CABIN1: variants seen among roughly 807,000 people sequenced by gnomAD.
CABIN1 encodes the protein calcineurin binding protein 1.
In CABIN1, 133 loss-of-function variants were observed where a neutral mutation model predicts 227.7. The ratio of observed to expected loss-of-function variants is 0.58; its 90% confidence interval spans 0.51 to 0.67. The LOEUF is 0.67. Among genes scored for constraint, CABIN1 ranks in the 30% least tolerant of loss-of-function variants. The pLI, the probability that CABIN1 is intolerant of heterozygous loss-of-function variation, is 0.00. For synonymous variants in CABIN1, 1,086 were observed against 1,155.1 expected, an observed-to-expected ratio of 0.94 and a Z score of 1.21; for missense variants, 2,408 against 2,852.5, an observed-to-expected ratio of 0.84 and a Z score of 3.55.
chr22:24,042,059 C>T (rs1052953286), intron 5 of CABIN1, among the ~76,000 whole-genome samples: 12 of 152,188 alleles, frequency 7.9e-5, no homozygotes, highest in Non-Finnish European at 1.6e-4. Flanking sequence ...TCAAACGATC[C>T]TCCGACCTCA....
chr22:24,174,882 T>A (rs1433745649), intron 34 of CABIN1, among the ~76,000 whole-genome samples: 1 of 151,644 alleles, frequency 6.6e-6, no homozygotes, highest in Non-Finnish European at 1.5e-5. Context: ...AACTGAGATC[T>A]CTGTAGGCCA....
intron 6 of CABIN1, among the ~76,000 whole-genome samples, chr22:24,044,072 C>G (rs1012491546): frequency 6.6e-6 from 1 of 152,152 alleles, no homozygotes. Flanking sequence ...GGCAACATCA[C>G]CCTCATGGTA....
At chr22:24,147,347 G>T (rs1189394992) in intron 29 of CABIN1, among the ~76,000 whole-genome samples, 1 of 95,284 alleles carries the variant, frequency 1.0e-5, no homozygotes, top group African/African-American at 3.9e-5. Context: ...CTCCCTCCCT[G>T]CCTCCCTCCC....
chr22:24,172,767 A>T (rs952911865), intron 34 of CABIN1, among the ~76,000 whole-genome samples: 4 of 152,140 alleles, frequency 2.6e-5, no homozygotes, highest in Non-Finnish European at 5.9e-5. Flanking sequence ...GGAGTAGACA[A>T]GGCACCATCC....
chr22:24,082,742 T>G (rs73165714), intron 19 of CABIN1, among the ~76,000 whole-genome samples: 13,014 of 152,322 alleles, frequency 0.085, 692 homozygotes, highest in East Asian at 0.3. Flanking sequence ...CTGAGGGAGA[T>G]TCTCTTAGCC....
At chr22:24,011,680 A>G (rs1044506739) in intron 1 of CABIN1, 1 of 152,286 alleles carries the variant, frequency 6.6e-6, no homozygotes, top group African/African-American at 2.4e-5. Flanking sequence ...CCAGCGCGCT[A>G]ACCCTTTACT....
At position 24,067,584 on chromosome 22, in the gene CABIN1, C is replaced by T. The variant is rs540379063; in HGVS notation, c.2232+403C>T. Among the ~76,000 whole-genome samples, 23 of 152,298 alleles carry T rather than the reference C, an allele frequency of 1.5e-4. No individual in the cohort carries two copies. The South Asian group carries it at 4.4e-3, about 29-fold the overall frequency. Reference sequence around the variant, plus strand: ...GGAAAGAATCAAGATAAAATAAAGACCAATGTGTTGAAGAAAAATAACACT... The same window carrying T: ...GGAAAGAATCAAGATAAAATAAAGATCAATGTGTTGAAGAAAAATAACACT... On this transcript the variant is annotated intron_variant, in intron 16 of 36. Coordinates refer to ENST00000263119, the MANE Select transcript of CABIN1 (RefSeq NM_012295.4).
chr22:24,091,649 G>A lies in CABIN1; in HGVS notation c.3592G>A (p.Glu1198Lys), dbSNP rs1364499079. ...CTGTTTCACATCAGCAGCCCGCTGCGAGGGTGATGGTGACGAGGAGGAGTG... is the reference window on the plus strand; with the variant it reads ...CTGTTTCACATCAGCAGCCCGCTGCAAGGGTGATGGTGACGAGGAGGAGTG... ...KHCFTSAARCEGDGDEEEWLI... is the reference protein window; with the variant it reads ...KHCFTSAARCKGDGDEEEWLI... Residue 1198 changes from glutamate (E) to lysine (K), a missense_variant, in exon 24 of 37, where the codon GAG (glutamate) becomes AAG (lysine). Physicochemically the swap from Glu to Lys is moderately conservative, Grantham distance 56. Around this residue, in one of 3 missense-constraint regions of CABIN1, gnomAD observed 649 missense variants for 910.3 expected, o/e 0.71. Coordinates refer to ENST00000263119, the MANE Select transcript of CABIN1 (RefSeq NM_012295.4). 5.6e-6 allele frequency: 9 copies of A among 1,614,122 alleles called. No homozygotes were observed. Among genetic ancestry groups the A allele is most frequent in the African/African-American group, 1.3e-5 (1 of 74,944 alleles).
chr22:24,071,303 G>A (rs1359426383), intron 17 of CABIN1: 1 of 527,884 alleles, frequency 1.9e-6, no homozygotes, highest in Non-Finnish European at 3.4e-6. Context: ...GTCCCAGAGG[G>A]GAAGAAATAA....
intron 3 of CABIN1, among the ~76,000 whole-genome samples, chr22:24,037,394 C>T (rs1380022695): frequency 6.6e-6 from 1 of 152,016 alleles, no homozygotes; most frequent in Non-Finnish European, 1.5e-5. Context: ...CCTCTAACTC[C>T]TGGGCTCAAG....
At chr22:24,014,251 T>C (rs1481065116) in intron 1 of CABIN1, among the ~76,000 whole-genome samples, 1 of 152,184 alleles carries the variant, frequency 6.6e-6, no homozygotes, top group African/African-American at 2.4e-5. Flanking sequence ...CTCTCTCTCT[T>C]TTATTTATTT....
chr22:24,091,922 A>C, intron 24 of CABIN1, 79 bp downstream of exon 24: 1 of 1,566,858 alleles, frequency 6.4e-7, no homozygotes, highest in Admixed American at 1.7e-5. Flanking sequence ...ATGTGGCTCA[A>C]GGTTCCAGTG....
chr22:24,115,535 A>C (rs1284347465), intron 27 of CABIN1, among the ~76,000 whole-genome samples: 1 of 152,242 alleles, frequency 6.6e-6, no homozygotes, highest in Non-Finnish European at 1.5e-5. Flanking sequence ...GAAGTTGATC[A>C]ACTTCCTGTT....
chr22:24,134,061 T>C (rs1312093319), intron 28 of CABIN1, among the ~76,000 whole-genome samples: 1 of 151,854 alleles, frequency 6.6e-6, no homozygotes, highest in African/African-American at 2.4e-5. Flanking sequence ...CCTTGAGGAG[T>C]CAAAGACTAC....
chr22:24,029,376 C>T (rs949166764), intron 1 of CABIN1, among the ~76,000 whole-genome samples: 6 of 152,030 alleles, frequency 3.9e-5, no homozygotes, highest in African/African-American at 1.2e-4. Context: ...AGTGAAACCC[C>T]GTCTCTACAA....
At chr22:24,140,459 C>A (rs1449347759) in intron 29 of CABIN1, among the ~76,000 whole-genome samples, 1 of 152,150 alleles carries the variant, frequency 6.6e-6, no homozygotes, top group Non-Finnish European at 1.5e-5. Flanking sequence ...ACCATGGAGG[C>A]TGAGGGTTTG....
intron 29 of CABIN1, among the ~76,000 whole-genome samples, chr22:24,152,106 TGCACGTGATCCAG>T (rs1224375560): frequency 6.6e-6 from 1 of 152,260 alleles, no homozygotes; most frequent in Non-Finnish European, 1.5e-5. Context: ...CCCGTGGATG[TGCACGTGATCCAG>T]GCACAGCTGT....
chr22:24,019,195 A>G lies in CABIN1; in HGVS notation c.-75+7828A>G, dbSNP rs187068484. On this transcript the variant is annotated intron_variant, in intron 1 of 36. Transcript: ENST00000263119. The stretch of plus-strand genomic sequence containing the variant: ...GCCCAGGCTGGAGTGCAGTGGGGCA[A>G]TCTTGGCTCACTGCAACCTCCGCCT... Among the ~76,000 whole-genome samples the G allele has an allele frequency of 2.1e-3, 280 of 131,330 alleles. 2 individuals carry two copies. Among genetic ancestry groups the G allele is most frequent in the African/African-American group, 7.8e-3 (265 of 33,912 alleles). The allele number at this position is 131,330 out of a possible 152,430, so 86.2% of individuals were successfully genotyped here.
intron 16 of CABIN1, among the ~76,000 whole-genome samples, chr22:24,069,455 C>T (rs1436254769): frequency 6.6e-6 from 1 of 152,104 alleles, no homozygotes; most frequent in African/African-American, 2.4e-5. Context: ...TACTTTTTTG[C>T]TCTGTCTGGC....
Sources: gnomAD v4.1 joint callset for allele counts (sites outside exome capture counted in the v4.1 genomes callset) on GRCh38, gnomAD v4.1.1 for gene constraint, gnomAD v4.1.1 regional missense constraint, MANE v1.5 for transcripts, NCBI Gene and HGNC (gene_info 2026-07-23, HGNC 2026-07-21) for gene names.